CUX1: variants seen among roughly 807,000 people sequenced by gnomAD.
CUX1 encodes cut like homeobox 1.
A neutral mutation model predicts 158.8 loss-of-function variants in CUX1; 31 were observed. The ratio of observed to expected loss-of-function variants is 0.20; its 90% CI spans 0.15 to 0.26. CUX1 has a LOEUF of 0.26. Ranked by LOEUF, CUX1 falls within the 10% of genes least tolerant of loss-of-function variation. The pLI is 1.00. For synonymous variants in CUX1, 879 were observed against 862.1 expected, an observed-to-expected ratio of 1.02 and a Z score of -0.34; for missense variants, 1,589 against 2,014.6, an observed-to-expected ratio of 0.79 and a Z score of 4.04.
At chr7:102,162,494 C>T (rs1554507482) in intron 9 of CUX1, among the ~76,000 whole-genome samples, 1 of 152,212 alleles carries the variant, frequency 6.6e-6, no homozygotes, top group Non-Finnish European at 1.5e-5. Context: ...GGGCATATGG[C>T]TCCCCATCCT....
chr7:102,052,729 GTGGC>G (rs769180990), intron 3 of CUX1, among the ~76,000 whole-genome samples: 1 of 152,144 alleles, frequency 6.6e-6, no homozygotes, highest in Non-Finnish European at 1.5e-5. Context: ...GTTTTCCAAG[GTGGC>G]TGTGTAATTT....
chr7:101,940,275 G>A (rs531980788), intron 2 of CUX1, among the ~76,000 whole-genome samples: 15 of 150,610 alleles, frequency 1.0e-4, no homozygotes, highest in African/African-American at 2.9e-4. Context: ...TTTAATGTTC[G>A]CAAAGCTGGT....
intron 2 of CUX1, among the ~76,000 whole-genome samples, chr7:101,941,935 TC>T (rs1438524516): frequency 9.9e-5 from 15 of 152,050 alleles, no homozygotes; most frequent in Non-Finnish European, 2.1e-4. Context: ...TCTCTCTCCC[TC>T]CCCCTCTCTC....
intron 3 of CUX1, among the ~76,000 whole-genome samples, chr7:102,056,435 C>T (rs1406496375): frequency 6.6e-6 from 1 of 152,104 alleles, no homozygotes; most frequent in Non-Finnish European, 1.5e-5. Flanking sequence ...AATCCTAGGG[C>T]CTTCAGAATT....
At chr7:102,264,966 G>A (rs1790693387) in intron 14 of CUX1, 1 of 152,204 alleles carries the variant, frequency 6.6e-6, no homozygotes, top group Non-Finnish European at 1.5e-5. Flanking sequence ...CCGAATACTT[G>A]CCTGGTGCCT....
intron 9 of CUX1, among the ~76,000 whole-genome samples, chr7:102,165,719 G>A (rs1197232720): frequency 6.6e-6 from 1 of 152,122 alleles, no homozygotes; most frequent in African/African-American, 2.4e-5. Context: ...TGAGGGATGG[G>A]CAGGGGTTGG....
chr7:101,826,291 C>T (rs1002637572), intron 1 of CUX1, among the ~76,000 whole-genome samples: 8 of 151,932 alleles, frequency 5.3e-5, no homozygotes, highest in Admixed American at 1.3e-4. Flanking sequence ...CTTGACCTCC[C>T]GGGCTCAAGC....
chr7:102,184,381 G>C (rs782516073), intron 11 of CUX1, among the ~76,000 whole-genome samples: 1 of 152,214 alleles, frequency 6.6e-6, no homozygotes, highest in Non-Finnish European at 1.5e-5. Context: ...TGTGGGCTCC[G>C]TGTATCTTTT....
At chr7:101,912,406 A>G (rs765082362) in intron 1 of CUX1, among the ~76,000 whole-genome samples, 1 of 152,124 alleles carries the variant, frequency 6.6e-6, no homozygotes, top group African/African-American at 2.4e-5. Flanking sequence ...GCAGGTGGAC[A>G]CACAGACCGT....
intron 2 of CUX1, among the ~76,000 whole-genome samples, chr7:101,944,828 T>C (rs1808182233): frequency 6.6e-6 from 1 of 152,212 alleles, no homozygotes; most frequent in Admixed American, 6.5e-5. Context: ...ACACCCAGGT[T>C]GCATCTGTCG....
At chr7:101,949,823 C>T (rs528247954) in intron 2 of CUX1, among the ~76,000 whole-genome samples, 39 of 152,156 alleles carry the variant, frequency 2.6e-4, no homozygotes, top group African/African-American at 8.4e-4. Flanking sequence ...TGAGCCACCA[C>T]GCCTAGCGAG....
intron 2 of CUX1, among the ~76,000 whole-genome samples, chr7:101,928,740 G>A (rs1310837553): frequency 6.8e-6 from 1 of 147,482 alleles, no homozygotes; most frequent in African/African-American, 2.5e-5. Context: ...GCGCGATCTC[G>A]GCTCACTGCA....
chr7:101,856,735 G>A (rs941444516), intron 1 of CUX1, among the ~76,000 whole-genome samples: 2 of 152,134 alleles, frequency 1.3e-5, no homozygotes, highest in Non-Finnish European at 2.9e-5. Flanking sequence ...AAACCCTCCC[G>A]ACTTTCACGA....
At chr7:101,948,672 T>TG (rs1188501278) in intron 2 of CUX1, among the ~76,000 whole-genome samples, 4 of 152,122 alleles carry the variant, frequency 2.6e-5, no homozygotes, top group Admixed American at 6.6e-5. Context: ...GTGGCTCTGC[T>TG]GGGGGGGCAT....
Position 101,916,789 on chromosome 7 carries a change from T to C in CUX1, c.141+564T>C, listed in dbSNP as rs1314733255. Among the ~76,000 whole-genome samples the C allele has an allele frequency of 2.0e-5, 3 of 152,192 alleles. No homozygotes were observed. The highest frequency in any genetic ancestry group is 4.8e-5 in the African/African-American group (2 of 41,446). On this transcript the variant is annotated intron_variant, in intron 2 of 23. Coordinates refer to ENST00000292535, the MANE Select transcript of CUX1 (RefSeq NM_181552.4). This position sits in a 1 kb window ranked among gnomAD's most constrained non-coding sequence, Gnocchi z 4.4. ...CAATGGAAATGTGCTTTTTATATAC[T>C]CCTGTTTTTTCTCTCGTGAGTGTGC...
intron 12 of CUX1, among the ~76,000 whole-genome samples, chr7:102,192,994 G>A (rs1221901415): frequency 6.6e-6 from 1 of 152,212 alleles, no homozygotes; most frequent in South Asian, 2.1e-4. Flanking sequence ...CAGTGCCATT[G>A]AGAACAAGGG....
At chr7:102,127,302 G>T (rs556378460) in intron 8 of CUX1, among the ~76,000 whole-genome samples, 24 of 152,206 alleles carry the variant, frequency 1.6e-4, no homozygotes, top group African/African-American at 5.8e-4. Flanking sequence ...CAACTCCTGG[G>T]CTTGAGCGAT....
chr7:102,011,628 A>C lies in CUX1; in HGVS notation c.142-16470A>C, dbSNP rs571167174. Among the ~76,000 whole-genome samples the C allele has an allele frequency of 1.1e-4, 17 of 151,260 alleles. 1 individual carries two copies. The highest frequency in any genetic ancestry group is 7.3e-4 in the Admixed American group (11 of 15,160). ...ACTCCTGACCTCAGGTGACCTGCCCACCTTGGCCTCCCAAAGTGCTGAGAT... is the reference window on the plus strand; with the variant it reads ...ACTCCTGACCTCAGGTGACCTGCCCCCCTTGGCCTCCCAAAGTGCTGAGAT... On this transcript the variant is annotated intron_variant, in intron 2 of 23. Transcript: ENST00000292535.
chr7:102,136,096 A>T (rs138893066), intron 8 of CUX1, among the ~76,000 whole-genome samples: 17 of 151,962 alleles, frequency 1.1e-4, no homozygotes, highest in African/African-American at 4.1e-4. Context: ...TCTGTTTGTT[A>T]TTCTTTAATA....
Sources: gnomAD v4.1 joint callset for allele counts (sites outside exome capture counted in the v4.1 genomes callset) on GRCh38, gnomAD v4.1.1 for gene constraint, Gnocchi (gnomAD v3.1) non-coding constraint, MANE v1.5 for transcripts, NCBI Gene and HGNC (gene_info 2026-07-23, HGNC 2026-07-21) for gene names.